PSMG2: variants seen among roughly 807,000 people sequenced by gnomAD.
PSMG2 encodes CD40 ligand-activated specific transcript 3.
In PSMG2, 21 loss-of-function variants were observed where a neutral mutation model predicts 31.5. The ratio of observed to expected loss-of-function variants is 0.67; its 90% CI spans 0.47 to 0.96. The LOEUF is 0.96. Among genes scored for constraint, PSMG2 ranks in the 40% least tolerant of loss-of-function variants. The pLI, the probability that PSMG2 is intolerant of heterozygous loss-of-function variation, is 0.00. For synonymous variants in PSMG2, 120 were observed against 110.4 expected (o/e 1.09, Z -0.54); for missense variants, 318 against 321.2 (o/e 0.99, Z 0.08).
chr18:12,702,627 G>T, upstream of PSMG2: 1 of 1,480,924 alleles, frequency 6.8e-7, no homozygotes. Context: ...GCCAGGGAGC[G>T]TTAGGAGCGA....
chr18:12,705,566 A>AGT (rs1380856845), intron 1 of PSMG2, among the ~76,000 whole-genome samples: 180 of 128,528 alleles, frequency 1.4e-3, no homozygotes, highest in African/African-American at 4.5e-3. Flanking sequence ...AGAGAGAGAG[A>AGT]GAGAGAGAGA....
intron 1 of PSMG2, among the ~76,000 whole-genome samples, chr18:12,695,003 C>T (rs1481365778): frequency 6.6e-6 from 1 of 152,144 alleles, no homozygotes; most frequent in Non-Finnish European, 1.5e-5. Context: ...GCGTGAGCCA[C>T]CGGCCTATCC....
At chr18:12,702,769 A>G (rs1568037784), upstream of PSMG2, 6 of 584,262 alleles carry the variant, frequency 1.0e-5, no homozygotes, top group Non-Finnish European at 1.2e-5. Context: ...ACAGTGGCGG[A>G]CAAACAGGGC....
At chr18:12,709,280 C>T (rs1038656382) in intron 2 of PSMG2, among the ~76,000 whole-genome samples, 3 of 151,112 alleles carry the variant, frequency 2.0e-5, no homozygotes, top group Non-Finnish European at 2.9e-5. Flanking sequence ...CTCCTGACCT[C>T]GTGATCTGCC....
chr18:12,723,168 C>T (rs530920960), intron 5 of PSMG2, among the ~76,000 whole-genome samples: 4 of 152,256 alleles, frequency 2.6e-5, no homozygotes, highest in East Asian at 3.9e-4. Flanking sequence ...CCTTAGAACT[C>T]GGCTCACTTT....
At chr18:12,702,406 C>A, upstream of PSMG2, 1 of 1,091,610 alleles carries the variant, frequency 9.2e-7, no homozygotes, top group Non-Finnish European at 1.4e-6. Flanking sequence ...GCAGATGCCG[C>A]TGTCGGCCCG....
chr18:12,699,992 C>T, upstream of PSMG2: 1 of 799,676 alleles, frequency 1.3e-6, no homozygotes, highest in Non-Finnish European at 1.9e-6. Context: ...AAGCACTGAA[C>T]CTAAAGTCAA....
chr18:12,686,065 C>T, intron 1 of PSMG2: 1 of 456,364 alleles, frequency 2.2e-6, no homozygotes, highest in African/African-American at 2.0e-5. Flanking sequence ...TTAATTTGTA[C>T]TATTTTTTAT....
chr18:12,682,697 C>T (rs1400036458), intron 1 of PSMG2, among the ~76,000 whole-genome samples: 2 of 152,010 alleles, frequency 1.3e-5, no homozygotes, highest in Non-Finnish European at 2.9e-5. Context: ...GGCATGACCT[C>T]GGCTCACTAC....
At chr18:12,696,079 T>C (rs1268039038) in intron 1 of PSMG2, among the ~76,000 whole-genome samples, 4 of 152,224 alleles carry the variant, frequency 2.6e-5, no homozygotes, top group African/African-American at 9.6e-5. Flanking sequence ...AGGTCACTGC[T>C]ACGATTATCA....
intron 1 of PSMG2, among the ~76,000 whole-genome samples, chr18:12,670,147 A>C (rs2038907052): frequency 6.6e-6 from 1 of 151,928 alleles, no homozygotes; most frequent in South Asian, 2.1e-4. Context: ...CTGGGCAACA[A>C]GGTGAAACCC....
At chr18:12,699,501 C>T (rs923178433), upstream of PSMG2, among the ~76,000 whole-genome samples, 8 of 152,132 alleles carry the variant, frequency 5.3e-5, no homozygotes, top group African/African-American at 1.9e-4. Context: ...TCCAACATTC[C>T]TCCACCTTCA....
chr18:12,705,536 C>A (rs917051448), intron 1 of PSMG2, among the ~76,000 whole-genome samples: 1 of 143,076 alleles, frequency 7.0e-6, no homozygotes, highest in Non-Finnish European at 1.5e-5. Flanking sequence ...TATTTTAAGT[C>A]ATGGGAAAAA....
rs758675676 is a variant in PSMG2 at position 12,725,501 on chromosome 18, T to A, written c.765T>A (p.Phe255Leu). ...TACCAAGTTCTTGGAGATTACTCTT[T>A]GGCAGTGGTCTTCCCCCTGCACTTT... ...WKIPSSWRLL[F>L]GSGLPPALF Residue 255 changes from phenylalanine to leucine, a missense_variant, in exon 7 of 7, where the codon TTT (phenylalanine) becomes TTA (leucine). Coordinates refer to ENST00000317615, the MANE Select transcript of PSMG2 (RefSeq NM_020232.5). The A allele has an allele frequency of 1.7e-5, 27 of 1,605,006 alleles. No homozygotes were observed. The highest frequency in any genetic ancestry group is 2.2e-5 in the Non-Finnish European group (26 of 1,172,032).
At chr18:12,666,345 T>C (rs980184963) in intron 1 of PSMG2, among the ~76,000 whole-genome samples, 4 of 151,826 alleles carry the variant, frequency 2.6e-5, no homozygotes, top group Non-Finnish European at 5.9e-5. Flanking sequence ...AAAAAATTAT[T>C]ATCTTGCAAA....
intron 1 of PSMG2, among the ~76,000 whole-genome samples, chr18:12,703,425 G>T (rs566448339): frequency 6.6e-6 from 1 of 152,206 alleles, no homozygotes; most frequent in East Asian, 1.9e-4. Flanking sequence ...GTACGTTCTA[G>T]ATACACTGTA....
At chr18:12,683,003 T>C (rs1403028525) in intron 1 of PSMG2, among the ~76,000 whole-genome samples, 1 of 151,980 alleles carries the variant, frequency 6.6e-6, no homozygotes, top group African/African-American at 2.4e-5. Context: ...TCTGCAAAGA[T>C]AGTCAGTGTG....
Position 12,683,186 on chromosome 18 carries a change from C to CAAAAAAAA in PSMG2, c.-36-23353_-36-23346dup, listed in dbSNP as rs765652085. On this transcript the variant is annotated intron_variant, in intron 1 of 6. Transcript: ENST00000585331. ...GAAACCCCATCTCTACTAAAAATAC[C>CAAAAAAAA]AAAAAAAAAAAAAAAAAAGCCAGGC... Among the ~76,000 whole-genome samples, 11 of 63,658 alleles carry CAAAAAAAA rather than the reference C, an allele frequency of 1.7e-4. 1 individual carries two copies. The highest frequency in any genetic ancestry group is 2.5e-4 in the Non-Finnish European group (8 of 32,438). 41.8% of individuals were successfully genotyped at this position (63,658 alleles called of 152,430 possible). A position where few individuals can be genotyped will look rare whatever the true frequency, so the allele number is the denominator to read the frequency against.
At chr18:12,661,404 A>G (rs552557332) in intron 1 of PSMG2, 2 of 972,048 alleles carry the variant, frequency 2.1e-6, no homozygotes, top group Non-Finnish European at 1.2e-6. Flanking sequence ...CCAGCCATTG[A>G]TATCTTCTCA....
Sources: allele counts gnomAD v4.1 joint callset (sites outside exome capture counted in the v4.1 genomes callset), GRCh38; gene constraint gnomAD v4.1.1; transcripts MANE v1.5; gene names NCBI Gene and HGNC (gene_info 2026-07-23, HGNC 2026-07-21).